CD3E: variants seen among roughly 807,000 people sequenced by gnomAD.
The protein encoded by CD3E is T-cell surface glycoprotein CD3 epsilon chain.
In CD3E, 16 loss-of-function variants were observed where a neutral mutation model predicts 34.7. The observed-to-expected ratio is 0.46, with a 90% CI of 0.31 to 0.70. CD3E has a LOEUF of 0.70. CD3E is among the 30% of genes least tolerant of loss of function. CD3E has a pLI of 0.05. For missense variants in CD3E, 223 were observed against 253.9 expected (o/e 0.88, Z 0.83); for synonymous variants, 70 against 90.8 (o/e 0.77, Z 1.30).
chr11:118,305,382 A>G (rs3782040), intron 2 of CD3E, among the ~76,000 whole-genome samples: 48,433 of 152,138 alleles, frequency 0.32, 8,080 homozygotes, highest in East Asian at 0.53. Flanking sequence ...AACTCTGCAC[A>G]GGGCATATAT....
rs183482409 is a variant in CD3E, at chr11:118,315,821, A to T, written c.*279A>T. The T allele has an allele frequency of 1.7e-6, 1 of 572,280 alleles. No individual in the cohort carries two copies. The highest frequency in any genetic ancestry group is 3.0e-5 in the East Asian group (1 of 33,844). 35.5% of individuals were successfully genotyped at this position (572,280 alleles called of 1,614,324 possible). ...TCTTGCCAGGATATTTATTTGTGCT[A>T]TTCACTCCCTTCCCTTTGGATGTAA... On this transcript the variant is annotated 3_prime_UTR_variant, in exon 9 of 9. Coordinates refer to ENST00000361763, the MANE Select transcript of CD3E (RefSeq NM_000733.4).
At position 118,312,505 on chromosome 11, in the gene CD3E, C is replaced by T. The variant is rs954817939; in HGVS notation, c.104-113C>T. ...TAGAGCTCCCTTCTGACAAGCAAGT[C>T]TAAGATCTAGATGACAGATGACTTC... On this transcript the variant is annotated intron_variant, in intron 5 of 8. Coordinates refer to ENST00000361763, the MANE Select transcript of CD3E (RefSeq NM_000733.4). 21 of 1,268,950 alleles carry T rather than the reference C, an allele frequency of 1.7e-5. No homozygotes were observed. The African/African-American group carries it at 2.9e-4, about 18-fold the overall frequency. The allele number at this position is 1,268,950 out of a possible 1,614,324, so 78.6% of individuals were successfully genotyped here. A position where few individuals can be genotyped will look rare whatever the true frequency, so the allele number is the denominator to read the frequency against.
intron 4 of CD3E, 31 bp downstream of exon 4, chr11:118,308,472 G>T: frequency 6.9e-7 from 1 of 1,457,586 alleles, no homozygotes; most frequent in South Asian, 1.2e-5. Flanking sequence ...TCTAGCAAAA[G>T]TTTTCAAATA....
intron 2 of CD3E, among the ~76,000 whole-genome samples, chr11:118,305,548 AAT>A (rs1227414416): frequency 6.6e-6 from 1 of 152,244 alleles, no homozygotes; most frequent in East Asian, 1.9e-4. Flanking sequence ...TGAGATAAAT[AAT>A]ACCAAAAAAA....
At chr11:118,314,263 G>C (rs1591269728) in intron 7 of CD3E, among the ~76,000 whole-genome samples, 185 bp from the exon 8 acceptor site, 1 of 152,100 alleles carries the variant, frequency 6.6e-6, no homozygotes, top group Non-Finnish European at 1.5e-5. Context: ...ATGATGAGAA[G>C]AGTGTAGGGT....
rs781369422 is a variant in CD3E at position 118,307,319 on chromosome 11, C to T, written c.70+11C>T. On this transcript the variant is annotated intron_variant, in intron 3 of 8. Coordinates refer to ENST00000361763, the MANE Select transcript of CD3E (RefSeq NM_000733.4). Reference sequence around the variant, plus strand: ...TTTGGGGGCAAGATGGTGAGATATGCTTTCTTTCTTTCTTTTTTATGAAAT... The same window carrying T: ...TTTGGGGGCAAGATGGTGAGATATGTTTTCTTTCTTTCTTTTTTATGAAAT... 108 of 1,583,910 alleles carry T rather than the reference C, an allele frequency of 6.8e-5. No individual in the cohort carries two copies. The highest frequency in any genetic ancestry group is 1.2e-4 in the African/African-American group (9 of 74,484).
chr11:118,314,166 C>G (rs983444188), intron 7 of CD3E, among the ~76,000 whole-genome samples: 1 of 152,122 alleles, frequency 6.6e-6, no homozygotes, highest in Non-Finnish European at 1.5e-5. Flanking sequence ...GGAAGAGAGA[C>G]TTTGATATAT....
Position 118,314,506 on chromosome 11 carries a change from T to TAGAAATGGG in CD3E, c.567+13_567+21dup. 6.2e-7 allele frequency: 1 copy of TAGAAATGGG among 1,613,234 alleles called. No individual in the cohort carries two copies. Among genetic ancestry groups the TAGAAATGGG allele is most frequent in the Non-Finnish European group, 8.5e-7 (1 of 1,179,284 alleles). ...ACCCAGACTATGAGGTAACGTGGGA[T>TAGAAATGGG]AGAAATGGGCCAGGACGCTGGAGGG... is the stretch of plus-strand genomic sequence containing the variant. On this transcript the variant is annotated intron_variant, in intron 8 of 8. Transcript: ENST00000361763.
At chr11:118,313,157 G>T in intron 6 of CD3E, 1 of 461,976 alleles carries the variant, frequency 2.2e-6, no homozygotes, top group Non-Finnish European at 4.0e-6. Flanking sequence ...CAGGTTCATA[G>T]CACACCAACA....
chr11:118,307,448 C>T, intron 3 of CD3E, 140 bp downstream of exon 3: 2 of 710,402 alleles, frequency 2.8e-6, no homozygotes, highest in Non-Finnish European at 4.8e-6. Context: ...ACCCCTTTGA[C>T]TTTCCTCACA....
Position 118,315,499 on chromosome 11 carries a change from GC to G in CD3E, c.583del (p.Gln195SerfsTer8). ...TTTCACCCCCAGCCCATCCGGAAAGGCCAGCGGGACCTGTATTCTGGCCTGA... is the reference window on the plus strand; with the variant it reads ...TTTCACCCCCAGCCCATCCGGAAAGGCAGCGGGACCTGTATTCTGGCCTGA... ...PNPDYEPIRK[G>X]QRDLYSGLNQ... On this transcript the variant is annotated frameshift_variant, in exon 9 of 9. Coordinates refer to ENST00000361763, the MANE Select transcript of CD3E (RefSeq NM_000733.4). LOFTEE classifies it high-confidence loss of function. 1.2e-6 allele frequency: 2 copies of G among 1,613,368 alleles called. No individual in the cohort carries two copies. The highest frequency in any genetic ancestry group is 1.7e-6 in the Non-Finnish European group (2 of 1,179,830).
chr11:118,312,943 C>T (rs1326396893), intron 6 of CD3E, 77 bp downstream of exon 6: 1 of 1,563,568 alleles, frequency 6.4e-7, no homozygotes, highest in Admixed American at 1.7e-5. Flanking sequence ...AGTGATTTTC[C>T]CTAACCCAGC....
chr11:118,313,190 C>T, intron 6 of CD3E: 1 of 401,038 alleles, frequency 2.5e-6, no homozygotes, highest in East Asian at 5.4e-5. Flanking sequence ...ATGCTTCCTC[C>T]AGAGATAAAT....
intron 3 of CD3E, 109 bp downstream of exon 3, chr11:118,307,417 GA>G: frequency 1.0e-6 from 1 of 968,940 alleles, no homozygotes; most frequent in Non-Finnish European, 1.6e-6. Flanking sequence ...CAGAGGTCAG[GA>G]AAAGGAGTTT....
chr11:118,315,341 G>T, intron 8 of CD3E, 145 bp from the exon 9 acceptor site: 2 of 695,612 alleles, frequency 2.9e-6, no homozygotes. Flanking sequence ...GTCTCCTACC[G>T]TCCATGCCAA....
rs776010793 is a variant in CD3E at position 118,304,961 on chromosome 11, G to A, written c.9G>A (p.Ser3=). The A allele has an allele frequency of 8.7e-6, 14 of 1,613,860 alleles. No homozygotes were observed. The highest frequency in any genetic ancestry group is 1.3e-5 in the African/African-American group (1 of 74,918). The change falls in exon 2 of 9, where the codon TCG becomes TCA. Residue 3 remains serine, a synonymous_variant. Transcript: ENST00000361763. ...AGTCCCATGAAACAAAGATGCAGTC[G>A]GGCACTCACTGGAGAGTTCTGGGCC... The part of the protein sequence containing the change: MQ[S]GTHWRVLGLC...
intron 1 of CD3E, 40 bp from the exon 2 acceptor site, chr11:118,304,854 A>T: frequency 3.0e-6 from 3 of 986,490 alleles, no homozygotes; most frequent in Non-Finnish European, 4.9e-6. Context: ...TATCTCTAGC[A>T]GATGTTTTGA....
chr11:118,314,389 C>G (rs1218343150), intron 7 of CD3E, 59 bp from the exon 8 acceptor site: 2 of 1,442,404 alleles, frequency 1.4e-6, no homozygotes, highest in South Asian at 2.3e-5. Flanking sequence ...CTGGCACAGA[C>G]AGTGCTGCAA....
intron 4 of CD3E, among the ~76,000 whole-genome samples, chr11:118,310,880 G>A (rs774073792): frequency 3.3e-5 from 5 of 152,124 alleles, no homozygotes; most frequent in Non-Finnish European, 5.9e-5. Context: ...GGAAAAACCT[G>A]GAGAATGTTT....
Sources: allele counts gnomAD v4.1 joint callset (sites outside exome capture counted in the v4.1 genomes callset), GRCh38; gene constraint gnomAD v4.1.1; transcripts MANE v1.5; gene names NCBI Gene and HGNC (gene_info 2026-07-23, HGNC 2026-07-21).